The following ANK3 variants were observed in gnomAD, a reference collection of about 807,000 sequenced individuals.
ANK3 encodes the protein ankyrin 3, also known as ankyrin-3.
A neutral mutation model predicts 370.9 loss-of-function variants in ANK3; 57 were observed. The observed-to-expected ratio is 0.15, with a 90% CI of 0.12 to 0.19. The LOEUF (loss-of-function observed/expected upper bound fraction) is 0.19. Among genes scored for constraint, ANK3 ranks in the 10% least tolerant of loss-of-function variants. The pLI is 1.00. For synonymous variants in ANK3, 1,929 were observed against 1,946.3 expected (o/e 0.99, Z 0.23); for missense variants, 4,439 against 5,302.1 (o/e 0.84, Z 5.06).
intron 1 of ANK3, among the ~76,000 whole-genome samples, chr10:60,708,824 A>C (rs1312299842): frequency 1.3e-5 from 2 of 152,172 alleles, no homozygotes; most frequent in Non-Finnish European, 2.9e-5. Flanking sequence ...GCTTCTGTGT[A>C]ATAACAGGAA....
At chr10:60,385,961 G>A (rs1029098001) in intron 1 of ANK3, among the ~76,000 whole-genome samples, 3 of 152,104 alleles carry the variant, frequency 2.0e-5, no homozygotes, top group Non-Finnish European at 4.4e-5. Context: ...TGACACGCAG[G>A]TAACATGGTA....
chr10:60,492,761 G>A (rs552861466), intron 2 of ANK3, among the ~76,000 whole-genome samples: 8 of 145,526 alleles, frequency 5.5e-5, no homozygotes, highest in Admixed American at 2.1e-4. Context: ...ATGGCACTGC[G>A]TGTTTGGGGG....
chr10:60,612,432 C>T (rs541297815), intron 2 of ANK3, among the ~76,000 whole-genome samples: 1 of 152,228 alleles, frequency 6.6e-6, no homozygotes, highest in East Asian at 1.9e-4. Flanking sequence ...TAAAAGGTAT[C>T]AACTCTCACC....
chr10:60,586,776 C>T (rs992802857), intron 2 of ANK3, among the ~76,000 whole-genome samples: 1 of 152,138 alleles, frequency 6.6e-6, no homozygotes, highest in Non-Finnish European at 1.5e-5. Flanking sequence ...GTAGAAATTG[C>T]ATGTATCACC....
intron 1 of ANK3, among the ~76,000 whole-genome samples, chr10:60,651,636 T>C (rs2078790685): frequency 2.0e-5 from 3 of 152,178 alleles, no homozygotes; most frequent in Admixed American, 1.3e-4. Context: ...ATATGAGCTC[T>C]GTTATTTATT....
chr10:60,583,749 A>AT (rs1197160582), intron 2 of ANK3, among the ~76,000 whole-genome samples: 1 of 151,894 alleles, frequency 6.6e-6, no homozygotes, highest in Non-Finnish European at 1.5e-5. Flanking sequence ...TGCCTGGCTA[A>AT]TTTTTTGGGT....
chr10:60,674,495 T>C (rs955515718), intron 1 of ANK3, among the ~76,000 whole-genome samples: 2 of 152,028 alleles, frequency 1.3e-5, no homozygotes, highest in Non-Finnish European at 2.9e-5. Context: ...CTCAGAGCAA[T>C]AACTCATTCA....
chr10:60,305,242 T>G (rs1024700838), intron 1 of ANK3, among the ~76,000 whole-genome samples: 9 of 152,192 alleles, frequency 5.9e-5, no homozygotes, highest in African/African-American at 2.2e-4. Flanking sequence ...TTTTTTGGTC[T>G]GTTCTTTATG....
At chr10:60,142,329 G>A (rs997682219) in intron 23 of ANK3, among the ~76,000 whole-genome samples, 1 of 152,020 alleles carries the variant, frequency 6.6e-6, no homozygotes, top group Admixed American at 6.6e-5. Context: ...TCTAGAAGCC[G>A]TCGCACCCTC....
intron 1 of ANK3, among the ~76,000 whole-genome samples, chr10:60,718,638 A>G (rs2079821937): frequency 6.6e-6 from 1 of 152,206 alleles, no homozygotes; most frequent in Non-Finnish European, 1.5e-5. Context: ...TCTAAACAGT[A>G]GGACAATATA....
intron 2 of ANK3, among the ~76,000 whole-genome samples, chr10:60,428,927 T>C (rs1431185118): frequency 6.6e-6 from 1 of 152,224 alleles, no homozygotes; most frequent in Non-Finnish European, 1.5e-5. Context: ...ATTAGAAATA[T>C]GATTTCCTGT....
At position 60,027,538 on chromosome 10, in the gene ANK3, T is replaced by G. The variant is rs1388683986; in HGVS notation, c.*2308A>C. On this transcript the variant is annotated 3_prime_UTR_variant, in exon 44 of 44. Coordinates refer to ENST00000280772, the MANE Select transcript of ANK3 (RefSeq NM_020987.5). ...ATGGACAGGCAATATATAACATTGC[T>G]GAAAGTCTCTTAGCACTAATTTAAT... The G allele has an allele frequency of 6.6e-6, 1 of 152,176 alleles. No homozygotes were observed. The highest frequency in any genetic ancestry group is 1.5e-5 in the Non-Finnish European group (1 of 68,032). 9.4% of individuals were successfully genotyped at this position (152,176 alleles called of 1,614,324 possible). A position where few individuals can be genotyped will look rare whatever the true frequency, so the allele number is the denominator to read the frequency against.
chr10:60,135,433 G>C (rs772885482), intron 24 of ANK3, among the ~76,000 whole-genome samples: 1 of 152,206 alleles, frequency 6.6e-6, no homozygotes, highest in Non-Finnish European at 1.5e-5. Context: ...AAACCATTTA[G>C]CTGAAGTCTA....
At chr10:60,545,353 T>A (rs913314131) in intron 2 of ANK3, among the ~76,000 whole-genome samples, 4 of 152,032 alleles carry the variant, frequency 2.6e-5, no homozygotes, top group Non-Finnish European at 5.9e-5. Flanking sequence ...CAGCTATGTA[T>A]CTCTGGGGAG....
intron 1 of ANK3, among the ~76,000 whole-genome samples, chr10:60,699,940 G>C (rs1044339532): frequency 1.1e-4 from 16 of 152,126 alleles, no homozygotes; most frequent in South Asian, 2.1e-4. Flanking sequence ...TGTACAAAGA[G>C]GCAAATAGTT....
At chr10:60,660,934 A>ACC (rs1554803779) in intron 1 of ANK3, among the ~76,000 whole-genome samples, 4 of 151,852 alleles carry the variant, frequency 2.6e-5, no homozygotes, top group South Asian at 2.1e-4. Flanking sequence ...ACACACACAC[A>ACC]CCCCACATCT....
intron 26 of ANK3, among the ~76,000 whole-genome samples, chr10:60,110,652 C>T (rs2092638615): frequency 6.6e-6 from 1 of 152,146 alleles, no homozygotes; most frequent in Admixed American, 6.6e-5. Context: ...GGGCTGCCTA[C>T]ATTTTCTTAG....
At chr10:60,564,140 A>G (rs1170040674) in intron 2 of ANK3, among the ~76,000 whole-genome samples, 1 of 152,250 alleles carries the variant, frequency 6.6e-6, no homozygotes, top group Non-Finnish European at 1.5e-5. Flanking sequence ...ATCATTTTGA[A>G]TGCCTACTGA....
chr10:60,240,446 A>G (rs2097436117), intron 7 of ANK3, among the ~76,000 whole-genome samples: 1 of 151,650 alleles, frequency 6.6e-6, no homozygotes, highest in Non-Finnish European at 1.5e-5. Flanking sequence ...CTGGGATTAC[A>G]GGCATGTGCC....
Sources: gnomAD v4.1 joint callset for allele counts (sites outside exome capture counted in the v4.1 genomes callset) on GRCh38, gnomAD v4.1.1 for gene constraint, MANE v1.5 for transcripts, NCBI Gene and HGNC (gene_info 2026-07-23, HGNC 2026-07-21) for gene names.